MIPOL1: variants seen among roughly 807,000 people sequenced by gnomAD.
MIPOL1 encodes the protein mirror-image polydactyly 1.
Under a neutral mutation model 60.9 loss-of-function variants are expected in MIPOL1, and 57 were observed. The observed-to-expected ratio is 0.94, with a 90% CI of 0.76 to 1.17. MIPOL1 has a LOEUF of 1.17. Ranked by LOEUF, MIPOL1 falls within the 50% of genes most tolerant of loss-of-function variation. The pLI, the probability that MIPOL1 is intolerant of heterozygous loss-of-function variation, is 0.00. For missense variants in MIPOL1, 551 were observed against 511.6 expected (o/e 1.08, Z -0.74); for synonymous variants, 179 against 168.8 (o/e 1.06, Z -0.47).
chr14:37,221,891 C>T (rs983618618), intron 1 of MIPOL1, among the ~76,000 whole-genome samples: 4 of 152,126 alleles, frequency 2.6e-5, no homozygotes, highest in Admixed American at 6.5e-5. Context: ...TTCCACAAAA[C>T]TCATGTTCTT....
At chr14:37,517,686 A>C (rs1459627276) in intron 12 of MIPOL1, among the ~76,000 whole-genome samples, 5 of 152,180 alleles carry the variant, frequency 3.3e-5, no homozygotes, top group African/African-American at 4.8e-5. Context: ...ATACAATGCA[A>C]CTGTAAAAAA....
At chr14:37,494,896 T>C (rs2095097394) in intron 11 of MIPOL1, among the ~76,000 whole-genome samples, 1 of 152,128 alleles carries the variant, frequency 6.6e-6, no homozygotes, top group Non-Finnish European at 1.5e-5. Context: ...TTCCAAGGTA[T>C]TTTGAATGCT....
At chr14:37,444,413 A>C (rs1373346149) in intron 11 of MIPOL1, among the ~76,000 whole-genome samples, 1 of 152,176 alleles carries the variant, frequency 6.6e-6, no homozygotes, top group Non-Finnish European at 1.5e-5. Context: ...AGTGTTCATA[A>C]ATGGGAACAC....
chr14:37,426,570 C>CATATACATATAT (rs1555339840), intron 11 of MIPOL1, among the ~76,000 whole-genome samples: 1 of 85,530 alleles, frequency 1.2e-5, no homozygotes, highest in Admixed American at 1.4e-4. Context: ...TCAAAATATA[C>CATATACATATAT]ATATATATAT....
At chr14:37,214,025 A>C (rs1404603771) in intron 1 of MIPOL1, among the ~76,000 whole-genome samples, 2 of 152,220 alleles carry the variant, frequency 1.3e-5, no homozygotes, top group African/African-American at 4.8e-5. Context: ...CCAGACAAAC[A>C]AAAACTGAGA....
intron 11 of MIPOL1, among the ~76,000 whole-genome samples, chr14:37,425,414 A>G (rs1438949462): frequency 2.0e-5 from 3 of 152,130 alleles, no homozygotes; most frequent in African/African-American, 4.8e-5. Flanking sequence ...GGATTATATG[A>G]TCTCTTCTAA....
At chr14:37,397,987 G>A (rs1364394749) in intron 10 of MIPOL1, among the ~76,000 whole-genome samples, 3 of 152,148 alleles carry the variant, frequency 2.0e-5, no homozygotes, top group Admixed American at 1.3e-4. Context: ...TTCTGGCCAG[G>A]AGGCTTCTTG....
chr14:37,447,957 A>T (rs891156777), intron 11 of MIPOL1, among the ~76,000 whole-genome samples: 1 of 152,174 alleles, frequency 6.6e-6, no homozygotes, highest in East Asian at 1.9e-4. Context: ...CATTGACACA[A>T]AAGAGCAAGA....
In MIPOL1 at chr14:37,351,060, C is replaced by A. The variant is rs1184635180; in HGVS notation, c.829-18457C>A. 6.0e-4 allele frequency among the ~76,000 whole-genome samples: 5 copies of A among 8,344 alleles called. No homozygotes were observed. In the East Asian group the frequency reaches 0.058, roughly 97 times the overall value. 5.5% of individuals were successfully genotyped at this position (8,344 alleles called of 152,430 possible). A position where few individuals can be genotyped will look rare whatever the true frequency, so the allele number is the denominator to read the frequency against. ...TCTCCCAATGCTATCCCTCCCCCCT[C>A]CCCCCACCCCACAACGGTCCCCAGA... is the stretch of plus-strand genomic sequence containing the variant. On this transcript the variant is annotated intron_variant, in intron 9 of 12. Transcript: ENST00000684589.
intron 6 of MIPOL1, among the ~76,000 whole-genome samples, chr14:37,285,116 T>C (rs1397417580): frequency 6.6e-6 from 1 of 152,194 alleles, no homozygotes; most frequent in African/African-American, 2.4e-5. Context: ...TTGCTTTAAA[T>C]TTTTTAGGGG....
At chr14:37,262,245 T>G (rs1373248639) in intron 3 of MIPOL1, among the ~76,000 whole-genome samples, 1 of 151,976 alleles carries the variant, frequency 6.6e-6, no homozygotes, top group African/African-American at 2.4e-5. Context: ...CTTAAGGAAT[T>G]TGTAGAAGTC....
At chr14:37,427,271 T>C (rs1221194007) in intron 11 of MIPOL1, among the ~76,000 whole-genome samples, 1 of 152,118 alleles carries the variant, frequency 6.6e-6, no homozygotes, top group Non-Finnish European at 1.5e-5. Flanking sequence ...TGCTGCAACA[T>C]GGACAAACCT....
intron 11 of MIPOL1, among the ~76,000 whole-genome samples, chr14:37,457,722 G>T (rs2094493042): frequency 6.6e-6 from 1 of 152,018 alleles, no homozygotes; most frequent in Admixed American, 6.6e-5. Flanking sequence ...ACTTAATCTG[G>T]GTTAAGTGCT....
intron 12 of MIPOL1, among the ~76,000 whole-genome samples, chr14:37,534,095 A>AG (rs2095494884): frequency 6.6e-6 from 1 of 151,028 alleles, no homozygotes; most frequent in African/African-American, 2.4e-5. Flanking sequence ...AAAAAAAAAA[A>AG]GGAAGAAAAA....
intron 11 of MIPOL1, among the ~76,000 whole-genome samples, chr14:37,447,901 A>T (rs1366120142): frequency 6.6e-6 from 1 of 152,116 alleles, no homozygotes; most frequent in African/African-American, 2.4e-5. Context: ...GTAGATAGGC[A>T]GTTATGAATG....
chr14:37,323,835 A>T (rs2088871093), intron 9 of MIPOL1, among the ~76,000 whole-genome samples: 1 of 151,974 alleles, frequency 6.6e-6, no homozygotes, highest in African/African-American at 2.4e-5. Context: ...TGCTTCTTCT[A>T]GAATTTTATG....
intron 9 of MIPOL1, among the ~76,000 whole-genome samples, chr14:37,335,716 A>G (rs2090054897): frequency 6.6e-6 from 1 of 152,068 alleles, no homozygotes; most frequent in African/African-American, 2.4e-5. Flanking sequence ...GCTGCAATTT[A>G]TATATTTTCA....
chr14:37,513,107 G>A (rs1248722887), intron 12 of MIPOL1, among the ~76,000 whole-genome samples: 1 of 152,024 alleles, frequency 6.6e-6, no homozygotes, highest in Non-Finnish European at 1.5e-5. Flanking sequence ...GTCATCATAA[G>A]ATATACAACA....
intron 9 of MIPOL1, among the ~76,000 whole-genome samples, chr14:37,351,257 C>T (rs2091344350): frequency 6.8e-6 from 1 of 146,848 alleles, no homozygotes; most frequent in Non-Finnish European, 1.5e-5. Flanking sequence ...TTTATGGCTG[C>T]ATAGTATTCC....
Sources: allele counts gnomAD v4.1 joint callset (sites outside exome capture counted in the v4.1 genomes callset), GRCh38; gene constraint gnomAD v4.1.1; transcripts MANE v1.5; gene names NCBI Gene and HGNC (gene_info 2026-07-23, HGNC 2026-07-21).